KCNH7: variants seen among roughly 807,000 people sequenced by gnomAD.
The protein encoded by KCNH7 is potassium voltage-gated channel subfamily H member 7, also known as voltage-gated inwardly rectifying potassium channel KCNH7.
In KCNH7, 49 loss-of-function variants were observed where a neutral mutation model predicts 120.8. That is an observed-to-expected ratio of 0.41 (90% CI 0.32 to 0.51). The LOEUF (loss-of-function observed/expected upper bound fraction) is 0.51. KCNH7 is among the 20% of genes least tolerant of loss of function. The pLI is 0.38. For synonymous variants in KCNH7, 547 were observed against 516.1 expected (o/e 1.06, Z -0.81); for missense variants, 1,097 against 1,446.6 (o/e 0.76, Z 3.92).
chr2:162,394,539 T>G, intron 11 of KCNH7, 54 bp from the exon 12 acceptor site: 1 of 1,008,586 alleles, frequency 9.9e-7, no homozygotes, highest in Admixed American at 2.0e-5. Context: ...TAGAACACAA[T>G]GTACTATTCA....
intron 6 of KCNH7, among the ~76,000 whole-genome samples, chr2:162,460,626 C>G (rs1422521078): frequency 6.6e-6 from 1 of 152,136 alleles, no homozygotes; most frequent in Non-Finnish European, 1.5e-5. Flanking sequence ...AGCTCAGAGA[C>G]CATCATAAAA....
At chr2:162,564,489 A>G (rs1013582652) in intron 2 of KCNH7, among the ~76,000 whole-genome samples, 3 of 152,148 alleles carry the variant, frequency 2.0e-5, no homozygotes, top group East Asian at 3.9e-4. Flanking sequence ...GAGAGGTGAA[A>G]GATACTTCAC....
At chr2:162,434,792 C>T (rs987608811) in intron 8 of KCNH7, among the ~76,000 whole-genome samples, 18 of 151,702 alleles carry the variant, frequency 1.2e-4, no homozygotes, top group Non-Finnish European at 2.1e-4. Flanking sequence ...ATATGGTTAA[C>T]ATTTTTTATG....
rs553428889 is a variant in KCNH7, at chr2:162,710,929, C to T, written c.307+125608G>A. Among the ~76,000 whole-genome samples the T allele has an allele frequency of 5.9e-5, 9 of 152,168 alleles. No individual in the cohort carries two copies. In the East Asian group the frequency reaches 1.4e-3, roughly 23 times the overall value. ...AACAGATGTGTTATGGCCTACAAAC[C>T]GCCATTTTGCAATTTTGCTTTGGAT... On this transcript the variant is annotated intron_variant, in intron 2 of 15. Coordinates refer to ENST00000332142, the MANE Select transcript of KCNH7 (RefSeq NM_033272.4).
intron 2 of KCNH7, among the ~76,000 whole-genome samples, chr2:162,719,676 G>C (rs370496682): frequency 1.3e-5 from 2 of 151,948 alleles, no homozygotes; most frequent in African/African-American, 4.8e-5. Flanking sequence ...AGGAATATGT[G>C]GGCTGGTTAC....
chr2:162,664,466 T>G (rs1325610096), intron 2 of KCNH7, among the ~76,000 whole-genome samples: 1 of 152,260 alleles, frequency 6.6e-6, no homozygotes, highest in East Asian at 1.9e-4. Flanking sequence ...GAAGATGACA[T>G]TGAATGGTAA....
chr2:162,623,925 A>G (rs1236428154), intron 2 of KCNH7, among the ~76,000 whole-genome samples: 1 of 152,158 alleles, frequency 6.6e-6, no homozygotes, highest in Non-Finnish European at 1.5e-5. Context: ...GCACTCTGAA[A>G]ATGTTAAATG....
chr2:162,442,716 G>A (rs1688462907), intron 7 of KCNH7, among the ~76,000 whole-genome samples: 1 of 152,014 alleles, frequency 6.6e-6, no homozygotes. Context: ...AATTAGCCGG[G>A]TATGGTGGTG....
At chr2:162,823,545 A>G (rs2105598456) in intron 2 of KCNH7, among the ~76,000 whole-genome samples, 1 of 151,956 alleles carries the variant, frequency 6.6e-6, no homozygotes, top group Non-Finnish European at 1.5e-5. Context: ...CCATTTCTAG[A>G]ACAACAAGAT....
chr2:162,763,103 C>T (rs754947393), intron 2 of KCNH7, among the ~76,000 whole-genome samples: 1 of 152,032 alleles, frequency 6.6e-6, no homozygotes, highest in South Asian at 2.1e-4. Context: ...TTTCAGGAAT[C>T]ATGCCCTAAG....
Position 162,371,941 on chromosome 2 carries a change from T to C in KCNH7, c.3479A>G (p.Lys1160Arg), listed in dbSNP as rs1685964260. 4 of 1,613,924 alleles carry C rather than the reference T, an allele frequency of 2.5e-6. No homozygotes were observed. Among genetic ancestry groups the C allele is most frequent in the Non-Finnish European group, 3.4e-6 (4 of 1,179,898 alleles). Residue 1160 changes from lysine to arginine, a missense_variant, in exon 16 of 16, where the codon AAA becomes AGA. Lys to Arg is a conservative substitution (Grantham distance 26). This residue lies in a region of KCNH7 where 406 missense variants were observed against 410.5 expected (regional missense o/e 0.99). Transcript: ENST00000332142. ...ATGCCTAATTGGATGAACGTAAGTTTTTCTTTGCCGCAGGTGAAGCTCTAA... is the reference window on the plus strand; with the variant it reads ...ATGCCTAATTGGATGAACGTAAGTTCTTCTTTGCCGCAGGTGAAGCTCTAA... ...LSLELHLRQR[K>R]TYVHPIRHPS...
At chr2:162,715,191 C>G (rs879568709) in intron 2 of KCNH7, among the ~76,000 whole-genome samples, 2 of 152,076 alleles carry the variant, frequency 1.3e-5, no homozygotes, top group Non-Finnish European at 2.9e-5. Context: ...GTACAGGAAG[C>G]ATCTGTTTCT....
intron 3 of KCNH7, among the ~76,000 whole-genome samples, chr2:162,533,425 A>G (rs759712320): frequency 6.6e-6 from 1 of 151,794 alleles, no homozygotes; most frequent in Non-Finnish European, 1.5e-5. Context: ...AAAACAGCAC[A>G]CTGTATAAAA....
intron 9 of KCNH7, among the ~76,000 whole-genome samples, chr2:162,418,094 C>T: frequency 6.6e-6 from 1 of 152,102 alleles, no homozygotes; most frequent in South Asian, 2.1e-4. Flanking sequence ...CAGAGCCAGG[C>T]AATTCCTATC....
chr2:162,563,304 C>T (rs992336437), intron 2 of KCNH7, among the ~76,000 whole-genome samples: 4 of 152,138 alleles, frequency 2.6e-5, no homozygotes, highest in African/African-American at 7.2e-5. Flanking sequence ...ATAGATCGTA[C>T]CATTTAGTAA....
intron 2 of KCNH7, among the ~76,000 whole-genome samples, chr2:162,692,564 C>T (rs923866199): frequency 1.2e-4 from 19 of 152,086 alleles, no homozygotes; most frequent in African/African-American, 4.3e-4. Flanking sequence ...ACTTTCACTG[C>T]CGTATTTTTC....
At chr2:162,782,498 A>C (rs1022139181) in intron 2 of KCNH7, among the ~76,000 whole-genome samples, 18 of 152,174 alleles carry the variant, frequency 1.2e-4, no homozygotes, top group African/African-American at 4.3e-4. Flanking sequence ...TTTTCAAGGA[A>C]CAATGAGAAG....
intron 2 of KCNH7, among the ~76,000 whole-genome samples, chr2:162,744,766 G>C (rs906794792): frequency 2.6e-5 from 4 of 151,850 alleles, no homozygotes; most frequent in Non-Finnish European, 5.9e-5. Flanking sequence ...TTAGAGATGG[G>C]GTTTCACCAT....
intron 2 of KCNH7, among the ~76,000 whole-genome samples, chr2:162,709,146 T>C (rs1686829566): frequency 6.6e-6 from 1 of 152,114 alleles, no homozygotes. Flanking sequence ...ACGGTATTAG[T>C]ACCTATCTCC....
Sources: allele counts gnomAD v4.1 joint callset (sites outside exome capture counted in the v4.1 genomes callset), GRCh38; gene constraint gnomAD v4.1.1; regional missense constraint gnomAD v4.1.1; transcripts MANE v1.5; gene names NCBI Gene and HGNC (gene_info 2026-07-23, HGNC 2026-07-21).